Variants in GPHN observed in about 807,000 individuals in gnomAD.
GPHN encodes the protein gephyrin.
In GPHN, 17 loss-of-function variants were observed where a neutral mutation model predicts 95.5. The observed-to-expected ratio is 0.18, with a 90% confidence interval of 0.12 to 0.27. The LOEUF (loss-of-function observed/expected upper bound fraction) is 0.27. Ranked by LOEUF, GPHN falls within the 10% of genes least tolerant of loss-of-function variation. The pLI is 1.00. For missense variants in GPHN, 660 were observed against 978.1 expected, an observed-to-expected ratio of 0.67 and a Z score of 4.34; for synonymous variants, 320 against 322.5, an observed-to-expected ratio of 0.99 and a Z score of 0.08.
chr14:66,943,944 T>C (rs1280824552), intron 8 of GPHN, among the ~76,000 whole-genome samples: 2 of 152,140 alleles, frequency 1.3e-5, no homozygotes, highest in Non-Finnish European at 2.9e-5. Context: ...TTTTAATTCT[T>C]GGGGTTCCAT....
At chr14:67,253,138 A>C in the GPHN span, among the ~76,000 whole-genome samples, 1 of 152,254 alleles carries the variant, frequency 6.6e-6, no homozygotes, top group Non-Finnish European at 1.5e-5. Context: ...GTGACAATGA[A>C]CAGGTTAACT....
the GPHN span, among the ~76,000 whole-genome samples, chr14:67,251,812 G>A: frequency 7.9e-5 from 12 of 152,180 alleles, no homozygotes; most frequent in African/African-American, 2.9e-4. Flanking sequence ...CTCTTGGCAG[G>A]CCCCTATAAT....
In GPHN at chr14:66,767,885, A is replaced by G. The variant is rs570026546; in HGVS notation, c.144-8579A>G. ...TATCAATAGTGTATCTGAGATGACT[A>G]AACAGACTAAAGAAGAGAATACTTG... On this transcript the variant is annotated intron_variant, in intron 2 of 22. Coordinates refer to ENST00000478722, the MANE Select transcript of GPHN (RefSeq NM_020806.5). Among the ~76,000 whole-genome samples, 5 of 152,140 alleles carry G rather than the reference A, an allele frequency of 3.3e-5. No individual in the cohort carries two copies. The South Asian group carries it at 8.3e-4, about 25-fold the overall frequency.
chr14:67,714,414 G>A, the GPHN span: 1 of 152,192 alleles, frequency 6.6e-6, no homozygotes, highest in Non-Finnish European at 1.5e-5. Flanking sequence ...TGGGATTACA[G>A]GTGTGAGCCT....
At chr14:66,808,886 C>A (rs981874636) in intron 3 of GPHN, among the ~76,000 whole-genome samples, 2 of 152,162 alleles carry the variant, frequency 1.3e-5, no homozygotes, top group African/African-American at 4.8e-5. Context: ...TCAAGGAATT[C>A]TTCATGGAGA....
chr14:67,480,591 AC>A, the GPHN span, among the ~76,000 whole-genome samples: 1 of 152,098 alleles, frequency 6.6e-6, no homozygotes, highest in African/African-American at 2.4e-5. Context: ...AGGGCCTGAG[AC>A]AGATGGCACA....
the GPHN span, chr14:67,735,342 C>G: frequency 1.8e-5 from 14 of 766,806 alleles, no homozygotes; most frequent in Non-Finnish European, 2.6e-5. Flanking sequence ...ACCATCTAGT[C>G]TGCTCAGCCT....
chr14:67,181,344 C>A lies in GPHN; in HGVS notation c.*407C>A. On this transcript the variant is annotated 3_prime_UTR_variant, in exon 23 of 23. Coordinates refer to ENST00000478722, the MANE Select transcript of GPHN (RefSeq NM_020806.5). ...CGTAGGCAACACTTGGATTTCCCTT[C>A]TTAGTATGCTTCATAACTGCTTTAC... The A allele has an allele frequency of 2.3e-6, 1 of 433,054 alleles. No homozygotes were observed. Among genetic ancestry groups the A allele is most frequent in the Non-Finnish European group, 4.4e-6 (1 of 229,334 alleles). The allele number at this position is 433,054 out of a possible 1,614,324, so 26.8% of individuals were successfully genotyped here.
the GPHN span, among the ~76,000 whole-genome samples, chr14:67,376,212 A>G: frequency 6.6e-6 from 1 of 152,184 alleles, no homozygotes; most frequent in African/African-American, 2.4e-5. Context: ...AGAGGAGGAA[A>G]CAAGTTCAGA....
intron 21 of GPHN, among the ~76,000 whole-genome samples, chr14:67,174,110 A>G (rs2082761367): frequency 6.6e-6 from 1 of 152,226 alleles, no homozygotes; most frequent in Non-Finnish European, 1.5e-5. Flanking sequence ...TCTGGGGTAC[A>G]TGTGCACAAC....
At chr14:66,895,506 AT>A (rs1440320643) in intron 5 of GPHN, among the ~76,000 whole-genome samples, 1 of 152,210 alleles carries the variant, frequency 6.6e-6, no homozygotes, top group Non-Finnish European at 1.5e-5. Flanking sequence ...TTAAAGTATA[AT>A]TTTAAAAAAT....
chr14:66,572,401 CTG>C (rs2060729211), intron 1 of GPHN, among the ~76,000 whole-genome samples: 1 of 152,060 alleles, frequency 6.6e-6, no homozygotes. Flanking sequence ...CTCAATTTTT[CTG>C]TGTCTTAAAT....
the GPHN span, among the ~76,000 whole-genome samples, chr14:67,379,393 A>C: frequency 5.3e-5 from 8 of 152,198 alleles, no homozygotes; most frequent in African/African-American, 1.9e-4. Flanking sequence ...TGGAGAGGTC[A>C]ACAGTTTTTC....
At chr14:66,917,603 C>T (rs943519641) in intron 6 of GPHN, among the ~76,000 whole-genome samples, 1 of 152,096 alleles carries the variant, frequency 6.6e-6, no homozygotes, top group Non-Finnish European at 1.5e-5. Context: ...GTTGGTAATA[C>T]TAGTTTAGCA....
chr14:67,365,464 A>G, the GPHN span, among the ~76,000 whole-genome samples: 1 of 152,254 alleles, frequency 6.6e-6, no homozygotes, highest in Non-Finnish European at 1.5e-5. Flanking sequence ...GCAATATACT[A>G]TGCGTGTATA....
the GPHN span, chr14:67,724,494 G>A: frequency 6.2e-7 from 1 of 1,603,620 alleles, no homozygotes; most frequent in Non-Finnish European, 8.5e-7. Context: ...CTGGTGGAGT[G>A]TGTAGAACAA....
chr14:67,573,088 T>C, the GPHN span, among the ~76,000 whole-genome samples: 1 of 152,190 alleles, frequency 6.6e-6, no homozygotes, highest in African/African-American at 2.4e-5. This position sits in a 1 kb window ranked among gnomAD's most constrained non-coding sequence, Gnocchi z 4.8. Flanking sequence ...GGACCACCCA[T>C]GTTTTATTTA....
the GPHN span, among the ~76,000 whole-genome samples, chr14:67,555,206 C>T: frequency 6.6e-6 from 1 of 152,248 alleles, no homozygotes; most frequent in South Asian, 2.1e-4. Context: ...GCATGAGCCA[C>T]TGTGACCAGC....
intron 13 of GPHN, among the ~76,000 whole-genome samples, chr14:67,103,636 A>T (rs552202216): frequency 7.6e-6 from 1 of 131,720 alleles, no homozygotes; most frequent in South Asian, 2.6e-4. Context: ...TTTTGTAGTT[A>T]TTATACATGG....
Sources: gnomAD v4.1 joint callset for allele counts (sites outside exome capture counted in the v4.1 genomes callset) on GRCh38, gnomAD v4.1.1 for gene constraint, Gnocchi (gnomAD v3.1) non-coding constraint, MANE v1.5 for transcripts, NCBI Gene and HGNC (gene_info 2026-07-23, HGNC 2026-07-21) for gene names.